The following SLC39A11 variants were observed in gnomAD, a reference collection of about 807,000 sequenced individuals.
The protein encoded by SLC39A11 is solute carrier family 39 member 11, also known as zinc transporter ZIP11.
Under a neutral mutation model 36.1 loss-of-function variants are expected in SLC39A11, and 33 were observed. That is an observed-to-expected ratio of 0.91 (90% CI 0.69 to 1.22). The LOEUF (loss-of-function observed/expected upper bound fraction) is 1.22, where lower values mean the gene tolerates loss of function less well. Ranked by LOEUF, SLC39A11 falls within the 50% of genes most tolerant of loss-of-function variation. The pLI is 0.00. For synonymous variants in SLC39A11, 166 were observed against 170.3 expected (o/e 0.97, Z 0.20); for missense variants, 432 against 430.3 (o/e 1.00, Z -0.03).
chr17:73,076,418 G>A (rs931943984), intron 3 of SLC39A11, among the ~76,000 whole-genome samples: 1 of 152,142 alleles, frequency 6.6e-6, no homozygotes, highest in Non-Finnish European at 1.5e-5. Flanking sequence ...ACCTATTTTG[G>A]TGAACAATTA....
Position 72,788,709 on chromosome 17 carries a change from G to A in SLC39A11, c.602-51990C>T, listed in dbSNP as rs532013189. Among the ~76,000 whole-genome samples the A allele has an allele frequency of 2.0e-5, 3 of 152,348 alleles. No homozygotes were observed. The South Asian group carries it at 6.2e-4, about 32-fold the overall frequency. ...ACTGATGGAGATGACATGAGCCAATGGTATACATTTAAGAGGTGATGCTCT... is the reference window on the plus strand; with the variant it reads ...ACTGATGGAGATGACATGAGCCAATAGTATACATTTAAGAGGTGATGCTCT... On this transcript the variant is annotated intron_variant, in intron 6 of 9. Transcript: ENST00000255559.
chr17:73,012,263 G>A (rs972408433), intron 4 of SLC39A11, among the ~76,000 whole-genome samples: 5 of 151,968 alleles, frequency 3.3e-5, no homozygotes, highest in Non-Finnish European at 7.4e-5. Context: ...GACAGAGCAA[G>A]ACTCTGTCTC....
intron 3 of SLC39A11, among the ~76,000 whole-genome samples, chr17:73,081,851 T>A (rs1310443068): frequency 6.7e-6 from 1 of 149,460 alleles, no homozygotes; most frequent in Admixed American, 6.8e-5. Context: ...AATTCATTAT[T>A]CTATGTGAAG....
intron 5 of SLC39A11, among the ~76,000 whole-genome samples, chr17:72,892,431 T>C (rs1328416595): frequency 6.6e-6 from 1 of 151,386 alleles, no homozygotes; most frequent in Admixed American, 6.6e-5. Flanking sequence ...AAAAAAATCT[T>C]ATTAGAGCCC....
chr17:73,030,942 G>T (rs2058718777), intron 4 of SLC39A11, among the ~76,000 whole-genome samples: 1 of 152,136 alleles, frequency 6.6e-6, no homozygotes, highest in South Asian at 2.1e-4. Context: ...CAGTAAAAAA[G>T]CCTGAAATCT....
At chr17:72,957,446 T>C (rs2086310245) in intron 4 of SLC39A11, among the ~76,000 whole-genome samples, 1 of 152,148 alleles carries the variant, frequency 6.6e-6, no homozygotes, top group Non-Finnish European at 1.5e-5. Flanking sequence ...ACAAACTCAA[T>C]CTCATTCACT....
chr17:73,015,979 G>C lies in SLC39A11; in HGVS notation c.306+15577C>G, dbSNP rs9890936. On this transcript the variant is annotated intron_variant, in intron 4 of 9. Coordinates refer to ENST00000255559, the MANE Select transcript of SLC39A11 (RefSeq NM_139177.4). The stretch of plus-strand genomic sequence containing the variant: ...TAACTAAGGTCAACGAGTCCAAAGA[G>C]GAGAATATAGCCATCTTGGACAGCT... Among the ~76,000 whole-genome samples the C allele has an allele frequency of 3.5e-3, 526 of 152,294 alleles. 3 individuals are homozygous for C. Among genetic ancestry groups the C allele is most frequent in the African/African-American group, 0.012 (484 of 41,564 alleles).
In SLC39A11 at chr17:73,004,104, AAG is replaced by A. The variant is rs200928496; in HGVS notation, c.306+27450_306+27451del. ...GTGTAAAGAAAGAAAGGAAGAAAGAAAGAGAGAGAGAGAGAAAGAAAGAAAGG... is the reference window on the plus strand; with the variant it reads ...GTGTAAAGAAAGAAAGGAAGAAAGAAAGAGAGAGAGAGAAAGAAAGAAAGG... On this transcript the variant is annotated intron_variant, in intron 4 of 9. Transcript: ENST00000255559. Among the ~76,000 whole-genome samples the A allele has an allele frequency of 5.3e-5, 8 of 149,840 alleles. No homozygotes were observed. In the South Asian group the frequency reaches 6.4e-4, roughly 12 times the overall value.
rs530744401 is a variant in SLC39A11 at position 72,869,501 on chromosome 17, T to C, written c.431-19697A>G. ...GCCTCCCGGGTTCAAGCAATTCTCC[T>C]GTCTCAGCCTCCCAAGTAGCTGGGA... On this transcript the variant is annotated intron_variant, in intron 5 of 9. Transcript: ENST00000255559. 8.8e-4 allele frequency among the ~76,000 whole-genome samples: 134 copies of C among 152,354 alleles called. 1 individual carries two copies. In the Middle Eastern group the frequency reaches 0.034, roughly 39 times the overall value.
At chr17:72,961,237 A>G (rs1204531580) in intron 4 of SLC39A11, among the ~76,000 whole-genome samples, 1 of 152,186 alleles carries the variant, frequency 6.6e-6, no homozygotes, top group Non-Finnish European at 1.5e-5. Flanking sequence ...AAAGTCAGGA[A>G]ACAAAGATGC....
At chr17:72,823,288 T>G (rs372661913) in intron 6 of SLC39A11, among the ~76,000 whole-genome samples, 1 of 151,368 alleles carries the variant, frequency 6.6e-6, no homozygotes, top group African/African-American at 2.4e-5. Flanking sequence ...TTACCCAGAG[T>G]GCCAGGAGCC....
At chr17:72,833,253 C>T (rs897378411) in intron 6 of SLC39A11, among the ~76,000 whole-genome samples, 5 of 102,126 alleles carry the variant, frequency 4.9e-5, no homozygotes, top group South Asian at 3.0e-4. Flanking sequence ...TCACTTGTAG[C>T]GATTATTAAT....
chr17:72,955,734 A>G (rs1280593549), intron 4 of SLC39A11, among the ~76,000 whole-genome samples: 2 of 152,126 alleles, frequency 1.3e-5, no homozygotes, highest in African/African-American at 4.8e-5. Flanking sequence ...TATCTGAACG[A>G]ACTAAATGAC....
chr17:72,963,930 T>C (rs1568032293), intron 4 of SLC39A11, among the ~76,000 whole-genome samples: 1 of 152,178 alleles, frequency 6.6e-6, no homozygotes, highest in Non-Finnish European at 1.5e-5. Flanking sequence ...TGATAATGAA[T>C]CCAGCCTAGA....
intron 3 of SLC39A11, chr17:73,068,107 A>AT: frequency 7.2e-7 from 1 of 1,396,982 alleles, no homozygotes; most frequent in South Asian, 1.2e-5. Flanking sequence ...TATCTCCCAC[A>AT]GCCTTTAGCA....
At chr17:73,021,640 A>G (rs190220562) in intron 4 of SLC39A11, among the ~76,000 whole-genome samples, 146 of 152,134 alleles carry the variant, frequency 9.6e-4, no homozygotes, top group African/African-American at 3.4e-3. Flanking sequence ...TTCCCCTTCC[A>G]TACTCATAAT....
intron 6 of SLC39A11, among the ~76,000 whole-genome samples, chr17:72,798,418 C>CTTT (rs3060856): frequency 1.0e-4 from 15 of 143,012 alleles, no homozygotes; most frequent in African/African-American, 3.6e-4. Context: ...TTCTTTCTTT[C>CTTT]TTTTTTTTTT....
chr17:72,803,558 G>A (rs2077162831), intron 6 of SLC39A11, among the ~76,000 whole-genome samples: 1 of 152,166 alleles, frequency 6.6e-6, no homozygotes, highest in Non-Finnish European at 1.5e-5. Flanking sequence ...ATGGCGTGAA[G>A]GATTTAAAGC....
intron 6 of SLC39A11, among the ~76,000 whole-genome samples, chr17:72,847,810 A>G (rs2079119827): frequency 1.3e-5 from 2 of 152,202 alleles, no homozygotes; most frequent in South Asian, 4.1e-4. Context: ...CCAGAAGACA[A>G]GGGATCAACA....
Sources: gnomAD v4.1 joint callset for allele counts (sites outside exome capture counted in the v4.1 genomes callset) on GRCh38, gnomAD v4.1.1 for gene constraint, MANE v1.5 for transcripts, NCBI Gene and HGNC (gene_info 2026-07-23, HGNC 2026-07-21) for gene names.